Variants in ALMS1 observed in about 807,000 individuals in gnomAD.
The protein encoded by ALMS1 is centrosome-associated protein ALMS1.
In ALMS1, 271 loss-of-function variants were observed where a neutral mutation model predicts 352.2. The observed-to-expected ratio is 0.77, with a 90% CI of 0.70 to 0.85. ALMS1 has a LOEUF of 0.85. ALMS1 is among the 40% of genes least tolerant of loss of function. The pLI, the probability that ALMS1 is intolerant of heterozygous loss-of-function variation, is 0.00. For missense variants in ALMS1, 5,445 were observed against 4,870.7 expected, an observed-to-expected ratio of 1.12 and a Z score of -3.51; for synonymous variants, 1,865 against 1,761.2, an observed-to-expected ratio of 1.06 and a Z score of -1.48.
At position 73,452,102 on chromosome 2, in the gene ALMS1, A is replaced by G. The variant is rs1558650343; in HGVS notation, c.5575A>G (p.Ile1859Val). Residue 1859 changes from isoleucine (I) to valine (V), a missense_variant, in exon 8 of 23, where the codon ATT becomes GTT. Coordinates refer to ENST00000613296, the MANE Select transcript of ALMS1 (RefSeq NM_001378454.1). ...NSYPQREHSV[I>V]SYEQELPDLT... ...CTACCCACAGAGAGAGCACTCTGTC[A>G]TTTCTTATGAGCAGGAGTTGCCAGA... 1.9e-6 allele frequency: 3 copies of G among 1,613,796 alleles called. No homozygotes were observed. The highest frequency in any genetic ancestry group is 2.5e-6 in the Non-Finnish European group (3 of 1,179,986).
At chr2:73,456,452 A>C (rs1292746434) in intron 9 of ALMS1, among the ~76,000 whole-genome samples, 1 of 152,150 alleles carries the variant, frequency 6.6e-6, no homozygotes, top group African/African-American at 2.4e-5. Flanking sequence ...CCTATCGTAG[A>C]GGGTTTTGGT....
intron 16 of ALMS1, among the ~76,000 whole-genome samples, chr2:73,581,545 C>T (rs1339751215): frequency 1.3e-5 from 2 of 152,178 alleles, no homozygotes; most frequent in Non-Finnish European, 2.9e-5. Context: ...CCTGGTTTAG[C>T]AAACACTTGG....
In ALMS1 at chr2:73,453,407, T is replaced by C; in HGVS notation, c.6880T>C (p.Phe2294Leu). The C allele has an allele frequency of 6.2e-7, 1 of 1,613,926 alleles. No individual in the cohort carries two copies. Among genetic ancestry groups the C allele is most frequent in the Non-Finnish European group, 8.5e-7 (1 of 1,179,958 alleles). The change falls in exon 8 of 23, where the codon TTT becomes CTT. Residue 2294 changes from phenylalanine to leucine, a missense_variant. Transcript: ENST00000613296. ...TTTCAGAGATATTAGTGATATTTCA[T>C]TTATACAATCTAAGAAGGTGGTTTG... ...ARFRDISDIS[F>L]IQSKKVVCFK...
chr2:73,417,746 A>G (rs2103697707), intron 2 of ALMS1, among the ~76,000 whole-genome samples: 1 of 152,348 alleles, frequency 6.6e-6, no homozygotes, highest in East Asian at 1.9e-4. Flanking sequence ...GAGCTAATTT[A>G]GTGTTCATTT....
At chr2:73,515,768 TACACAC>T (rs71406825) in intron 10 of ALMS1, among the ~76,000 whole-genome samples, 7,848 of 141,526 alleles carry the variant, frequency 0.055, 521 homozygotes, top group East Asian at 0.38. Context: ...TCCACAGAAA[TACACAC>T]ACACACACAC....
intron 2 of ALMS1, among the ~76,000 whole-genome samples, chr2:73,414,488 TG>T (rs527267523): frequency 0.054 from 4,174 of 77,702 alleles, 139 homozygotes; most frequent in Admixed American, 0.13. Flanking sequence ...TTTTTTTTTT[TG>T]TTTTTTTTTT....
chr2:73,420,545 T>G (rs1473056027), intron 3 of ALMS1, among the ~76,000 whole-genome samples: 1 of 152,142 alleles, frequency 6.6e-6, no homozygotes, highest in African/African-American at 2.4e-5. Flanking sequence ...TTTTTCAAAT[T>G]GATGTAAAAA....
intron 10 of ALMS1, among the ~76,000 whole-genome samples, chr2:73,516,264 A>G (rs1027327705): frequency 9.2e-5 from 14 of 152,212 alleles, no homozygotes; most frequent in Non-Finnish European, 2.1e-4. Context: ...CATGTTAGTC[A>G]GAATGTCTAT....
At chr2:73,412,622 C>T (rs1027756789) in intron 2 of ALMS1, among the ~76,000 whole-genome samples, 5 of 151,950 alleles carry the variant, frequency 3.3e-5, no homozygotes, top group Non-Finnish European at 5.9e-5. Context: ...TAGTAGAAAC[C>T]CCGTCTCTAC....
rs745591025 is a variant in ALMS1, at chr2:73,448,453, C to T, written c.1926C>T (p.Thr642=). 8.7e-6 allele frequency: 14 copies of T among 1,611,698 alleles called. No homozygotes were observed. The highest frequency in any genetic ancestry group is 1.7e-5 in the Admixed American group (1 of 59,770). Residue 642 remains threonine, a synonymous_variant, in exon 8 of 23, where the codon ACC becomes ACT. Coordinates refer to ENST00000613296, the MANE Select transcript of ALMS1 (RefSeq NM_001378454.1). ...AAGAGTTACCAGAGAGTAACTTAACCGAAGAGCCTTTGGAAGTTTCAGCTG... is the reference window on the plus strand; with the variant it reads ...AAGAGTTACCAGAGAGTAACTTAACTGAAGAGCCTTTGGAAGTTTCAGCTG... ...YQQELPESNL[T]EEPLEVSAAP... is the part of the protein sequence containing the mutation.
intron 2 of ALMS1, among the ~76,000 whole-genome samples, chr2:73,414,847 A>AT (rs376815471): frequency 3.3e-4 from 50 of 151,710 alleles, no homozygotes; most frequent in South Asian, 6.2e-4. Context: ...TTCAAAAACC[A>AT]TTTTTTTTGG....
At chr2:73,481,757 T>C (rs373694990) in intron 9 of ALMS1, among the ~76,000 whole-genome samples, 10 of 151,356 alleles carry the variant, frequency 6.6e-5, no homozygotes, top group Non-Finnish European at 1.5e-4. Context: ...TTTCCTTGAG[T>C]AGTGGTTTGT....
intron 15 of ALMS1, among the ~76,000 whole-genome samples, chr2:73,561,945 A>G (rs1665733568): frequency 6.6e-6 from 1 of 152,102 alleles, no homozygotes; most frequent in African/African-American, 2.4e-5. Context: ...GAATAATGAA[A>G]TGAAAAGGGA....
chr2:73,562,766 A>G (rs1674692236), intron 15 of ALMS1, among the ~76,000 whole-genome samples: 1 of 152,048 alleles, frequency 6.6e-6, no homozygotes, highest in African/African-American at 2.4e-5. Flanking sequence ...GCATGCCTGT[A>G]ATCCCAGCTA....
rs763332177 is a variant in ALMS1 at position 73,602,196 on chromosome 2, G to A, written c.12126G>A (p.Gln4042=). Residue 4042 remains glutamine (Q), a synonymous_variant, in exon 20 of 23, where the codon CAG becomes CAA. Transcript: ENST00000613296. ...TTTTTTTCTTTTAGGAATCGCTTCA[G>A]TTTCACAGACCTGACTTCATCTCCC... ...FVRATLQESL[Q]FHRPDFISRS... 32 of 1,613,806 alleles carry A rather than the reference G, an allele frequency of 2.0e-5. No individual in the cohort carries two copies. Among genetic ancestry groups the A allele is most frequent in the Non-Finnish European group, 2.5e-5 (29 of 1,179,946 alleles).
intron 17 of ALMS1, among the ~76,000 whole-genome samples, chr2:73,600,261 T>C (rs1675647830): frequency 6.6e-6 from 1 of 152,202 alleles, no homozygotes; most frequent in Admixed American, 6.5e-5. Flanking sequence ...TACCTTTTGG[T>C]TTCATAAAAT....
intron 16 of ALMS1, among the ~76,000 whole-genome samples, chr2:73,580,187 T>A (rs1017264792): frequency 6.6e-6 from 1 of 152,208 alleles, no homozygotes. Context: ...AAGAAATCTT[T>A]CTGCCTCAGC....
intron 1 of ALMS1, among the ~76,000 whole-genome samples, chr2:73,388,552 C>G (rs907720711): frequency 6.6e-6 from 1 of 152,114 alleles, no homozygotes; most frequent in African/African-American, 2.4e-5. Context: ...CTTGTCTTAC[C>G]AGTGAGAGCA....
chr2:73,454,053 G>A lies in ALMS1; in HGVS notation c.7526G>A (p.Arg2509Gln), dbSNP rs551433143. 1.9e-5 allele frequency: 30 copies of A among 1,610,898 alleles called. No individual in the cohort carries two copies. In the South Asian group the frequency reaches 2.9e-4, roughly 15 times the overall value. The change falls in exon 8 of 23, where the codon CGG becomes CAG. Residue 2509 changes from arginine (R) to glutamine (Q), a missense_variant. Arg to Gln is a conservative substitution (Grantham distance 43). Coordinates refer to ENST00000613296, the MANE Select transcript of ALMS1 (RefSeq NM_001378454.1). The part of the protein sequence containing the change: ...ILRNAEEEES[R>Q]VRAHAWNMKF... ...AGAAATGCAGAGGAAGAGGAAAGCC[G>A]GGTACGAGCACATGGTAAGAAGAAA...
Sources: allele counts gnomAD v4.1 joint callset (sites outside exome capture counted in the v4.1 genomes callset), GRCh38; gene constraint gnomAD v4.1.1; transcripts MANE v1.5; gene names NCBI Gene and HGNC (gene_info 2026-07-23, HGNC 2026-07-21).